The following INPP4B variants were observed in gnomAD, a reference collection of about 807,000 sequenced individuals.
INPP4B encodes inositol polyphosphate 4-phosphatase type II.
INPP4B carries 55 observed loss-of-function variants against 122.5 expected under a neutral mutation model. The observed-to-expected ratio is 0.45, with a 90% confidence interval of 0.36 to 0.56. The LOEUF (loss-of-function observed/expected upper bound fraction) is 0.56. Ranked by LOEUF, INPP4B falls within the 20% of genes least tolerant of loss-of-function variation. INPP4B has a pLI of 0.00. For synonymous variants in INPP4B, 403 were observed against 388.7 expected, an observed-to-expected ratio of 1.04 and a Z score of -0.43; for missense variants, 1,000 against 1,097.7, an observed-to-expected ratio of 0.91 and a Z score of 1.26.
At chr4:142,667,422 T>A (rs1756276108) in intron 2 of INPP4B, among the ~76,000 whole-genome samples, 1 of 152,230 alleles carries the variant, frequency 6.6e-6, no homozygotes, top group African/African-American at 2.4e-5. Flanking sequence ...ATAACTGTAA[T>A]GCACTGTATT....
chr4:142,357,448 G>T (rs945518716), intron 7 of INPP4B, among the ~76,000 whole-genome samples: 1 of 152,032 alleles, frequency 6.6e-6, no homozygotes, highest in African/African-American at 2.4e-5. Flanking sequence ...TTGAGTGTGA[G>T]TGTGAATATG....
At chr4:142,686,291 C>T (rs977735592) in intron 2 of INPP4B, among the ~76,000 whole-genome samples, 5 of 152,046 alleles carry the variant, frequency 3.3e-5, no homozygotes, top group Non-Finnish European at 7.4e-5. Flanking sequence ...ATTAAGAACC[C>T]TTATTAGGGA....
In INPP4B at chr4:142,537,740, A is replaced by AGTGTGTGTGTGTGT. The variant is rs72363974; in HGVS notation, c.-190-75028_-190-75015dup. ...GTCTGTGAGTATGTATGTGTATATG[A>AGTGTGTGTGTGTGT]GTGTGTGTGTGTGTGTGTGTGTGTG... On this transcript the variant is annotated intron_variant, in intron 2 of 25. Coordinates refer to ENST00000262992, the MANE Select transcript of INPP4B (RefSeq NM_001101669.3). Among the ~76,000 whole-genome samples the AGTGTGTGTGTGTGT allele has an allele frequency of 5.2e-3, 767 of 146,862 alleles. 4 individuals are homozygous for AGTGTGTGTGTGTGT. Among genetic ancestry groups the AGTGTGTGTGTGTGT allele is most frequent in the African/African-American group, 0.011 (446 of 39,798 alleles).
intron 1 of INPP4B, among the ~76,000 whole-genome samples, chr4:142,781,851 A>G (rs1227870888): frequency 6.6e-6 from 1 of 152,012 alleles, no homozygotes; most frequent in Non-Finnish European, 1.5e-5. Context: ...TGTAACAATA[A>G]GAATCTAATT....
At chr4:142,322,082 G>A (rs993964632) in intron 7 of INPP4B, among the ~76,000 whole-genome samples, 1 of 152,066 alleles carries the variant, frequency 6.6e-6, no homozygotes, top group Non-Finnish European at 1.5e-5. Context: ...TCGTTGATAC[G>A]CAATAACAAT....
At chr4:142,792,329 G>C (rs1384438416) in intron 1 of INPP4B, among the ~76,000 whole-genome samples, 1 of 151,498 alleles carries the variant, frequency 6.6e-6, no homozygotes, top group Non-Finnish European at 1.5e-5. Flanking sequence ...AAATGTAAAA[G>C]AGAAAAAAAC....
intron 7 of INPP4B, among the ~76,000 whole-genome samples, chr4:142,367,186 A>ATGTG (rs764327310): frequency 0.025 from 2,632 of 106,460 alleles, 80 homozygotes; most frequent in African/African-American, 0.079. Context: ...TATACATGTA[A>ATGTG]TATGTGTGTG....
intron 18 of INPP4B, among the ~76,000 whole-genome samples, chr4:142,138,251 C>T (rs1049798570): frequency 1.5e-4 from 22 of 151,344 alleles, no homozygotes; most frequent in African/African-American, 2.4e-4. Context: ...ATGGATGAAA[C>T]TGGAAATCAT....
At chr4:142,643,014 T>C (rs1338683628) in intron 2 of INPP4B, among the ~76,000 whole-genome samples, 1 of 152,238 alleles carries the variant, frequency 6.6e-6, no homozygotes, top group South Asian at 2.1e-4. Context: ...CTAGGTATTT[T>C]ATTCACTTTG....
chr4:142,117,082 G>A (rs1247002037), intron 21 of INPP4B, among the ~76,000 whole-genome samples: 1 of 152,008 alleles, frequency 6.6e-6, no homozygotes, highest in Non-Finnish European at 1.5e-5. Flanking sequence ...TAAATTCCTG[G>A]ACACATATAC....
chr4:142,179,767 T>A (rs1830005792), intron 15 of INPP4B, among the ~76,000 whole-genome samples: 1 of 152,190 alleles, frequency 6.6e-6, no homozygotes, highest in Non-Finnish European at 1.5e-5. Context: ...TACTATTATA[T>A]GACCTTTAAA....
intron 7 of INPP4B, among the ~76,000 whole-genome samples, chr4:142,324,169 C>T (rs962330055): frequency 6.6e-6 from 1 of 152,180 alleles, no homozygotes; most frequent in Non-Finnish European, 1.5e-5. Flanking sequence ...CCACTGTCTA[C>T]AAGCTAAGGA....
At chr4:142,251,125 G>A (rs2150189116) in intron 11 of INPP4B, among the ~76,000 whole-genome samples, 1 of 152,076 alleles carries the variant, frequency 6.6e-6, no homozygotes, top group South Asian at 2.1e-4. Flanking sequence ...TAAGTAATAT[G>A]TTTGCTTGAT....
At chr4:142,061,883 CACATATATATATAT>C (rs1180671496) in intron 25 of INPP4B, among the ~76,000 whole-genome samples, 29 of 11,626 alleles carry the variant, frequency 2.5e-3, no homozygotes, top group African/African-American at 3.4e-3. Context: ...CACACACACA[CACATATATATATAT>C]ATATATATAT....
intron 7 of INPP4B, among the ~76,000 whole-genome samples, chr4:142,384,372 T>C (rs1795223811): frequency 6.6e-6 from 1 of 152,222 alleles, no homozygotes; most frequent in Non-Finnish European, 1.5e-5. Flanking sequence ...AGAGTGTACC[T>C]ACACAAACCT....
At chr4:142,077,037 C>G (rs983209022) in intron 25 of INPP4B, among the ~76,000 whole-genome samples, 3 of 151,974 alleles carry the variant, frequency 2.0e-5, no homozygotes, top group African/African-American at 7.2e-5. Context: ...GAGTCATTTA[C>G]TTATAAAGCA....
chr4:142,496,461 G>A (rs998407960), intron 2 of INPP4B, among the ~76,000 whole-genome samples: 17 of 152,104 alleles, frequency 1.1e-4, no homozygotes, highest in South Asian at 8.3e-4. Flanking sequence ...TATGGGGCAC[G>A]CACATATTTT....
intron 17 of INPP4B, among the ~76,000 whole-genome samples, chr4:142,159,187 C>T (rs546806911): frequency 1.3e-5 from 2 of 151,030 alleles, no homozygotes; most frequent in Admixed American, 6.6e-5. Flanking sequence ...TAACAGAACA[C>T]GTGCTGTTAT....
chr4:142,785,890 C>T (rs1468316435), intron 1 of INPP4B, among the ~76,000 whole-genome samples: 1 of 151,924 alleles, frequency 6.6e-6, no homozygotes, highest in Admixed American at 6.6e-5. Context: ...CAAAATAAAA[C>T]CAAAGACAGA....
Sources: gnomAD v4.1 joint callset for allele counts (sites outside exome capture counted in the v4.1 genomes callset) on GRCh38, gnomAD v4.1.1 for gene constraint, MANE v1.5 for transcripts, NCBI Gene and HGNC (gene_info 2026-07-23, HGNC 2026-07-21) for gene names.